Variants in MYO5A observed in about 807,000 individuals in gnomAD.
The protein encoded by MYO5A is unconventional myosin-Va.
MYO5A carries 98 observed loss-of-function variants against 249.7 expected under a neutral mutation model. That is an observed-to-expected ratio of 0.39 (90% confidence interval 0.33 to 0.46). MYO5A has a LOEUF of 0.46. Ranked by LOEUF, MYO5A falls within the 20% of genes least tolerant of loss-of-function variation. The pLI, the probability that MYO5A is intolerant of heterozygous loss-of-function variation, is 0.98. For missense variants in MYO5A, 1,696 were observed against 2,308.8 expected (o/e 0.73, Z 5.44); for synonymous variants, 778 against 810.6 (o/e 0.96, Z 0.68).
intron 4 of MYO5A, among the ~76,000 whole-genome samples, chr15:52,417,301 C>T (rs1208291405): frequency 1.3e-5 from 2 of 152,172 alleles, no homozygotes; most frequent in African/African-American, 4.8e-5. Flanking sequence ...AGGAGATACT[C>T]TTTGAAGCCA....
chr15:52,461,833 C>T (rs1300469571), intron 1 of MYO5A, among the ~76,000 whole-genome samples: 13 of 151,862 alleles, frequency 8.6e-5, no homozygotes, highest in African/African-American at 2.4e-4. Flanking sequence ...TGGTGGCATG[C>T]GCCTGTAGTC....
chr15:52,416,330 A>C (rs778085884), intron 4 of MYO5A, 29 bp from the exon 5 acceptor site: 6 of 1,606,574 alleles, frequency 3.7e-6, no homozygotes, highest in Non-Finnish European at 8.5e-7. Context: ...TTAAAAAGTA[A>C]CTGCCATTGC....
intron 1 of MYO5A, among the ~76,000 whole-genome samples, chr15:52,508,989 T>G (rs1352168887): frequency 6.6e-6 from 1 of 152,016 alleles, no homozygotes; most frequent in Non-Finnish European, 1.5e-5. Flanking sequence ...TTTTTTTTTT[T>G]GAGACAGAGT....
In MYO5A at chr15:52,372,457, G is replaced by C. The variant is rs1193186065; in HGVS notation, c.2578-94C>G. The C allele has an allele frequency of 4.6e-6, 7 of 1,512,614 alleles. No individual in the cohort carries two copies. The African/African-American group carries it at 6.9e-5, about 15-fold the overall frequency. The allele number at this position is 1,512,614 out of a possible 1,614,324, so 93.7% of individuals were successfully genotyped here. A position where few individuals can be genotyped will look rare whatever the true frequency, so the allele number is the denominator to read the frequency against. ...GGGCTGAAAATCCACACATTACCTA[G>C]AGGAAAAGACATAAAAGTTGAATTG... On this transcript the variant is annotated intron_variant, in intron 20 of 41. Transcript: ENST00000399233.
chr15:52,514,031 A>C (rs1438465510), intron 1 of MYO5A, among the ~76,000 whole-genome samples: 1 of 152,270 alleles, frequency 6.6e-6, no homozygotes, highest in Non-Finnish European at 1.5e-5. Context: ...GAGCAGTAGA[A>C]GAGGGGAAGC....
At chr15:52,366,236 A>G (rs938765287) in intron 23 of MYO5A, among the ~76,000 whole-genome samples, 1 of 152,168 alleles carries the variant, frequency 6.6e-6, no homozygotes, top group African/African-American at 2.4e-5. Flanking sequence ...TGCCTCATAA[A>G]TGTATACTTT....
At chr15:52,504,214 T>C (rs2077218855) in intron 1 of MYO5A, among the ~76,000 whole-genome samples, 1 of 152,166 alleles carries the variant, frequency 6.6e-6, no homozygotes, top group Non-Finnish European at 1.5e-5. Context: ...ATTGATGTCC[T>C]CCACCCACTC....
At chr15:52,448,680 C>T (rs202233205) in intron 1 of MYO5A, among the ~76,000 whole-genome samples, 1 of 152,048 alleles carries the variant, frequency 6.6e-6, no homozygotes, top group South Asian at 2.1e-4. Context: ...GACTGGATCA[C>T]GGGGGAGGAT....
intron 30 of MYO5A, among the ~76,000 whole-genome samples, chr15:52,343,433 A>T: frequency 6.6e-6 from 1 of 152,238 alleles, no homozygotes; most frequent in East Asian, 1.9e-4. Flanking sequence ...AAGGATGTAG[A>T]GCTACTTTAC....
chr15:52,396,613 G>GA (rs979265066), intron 10 of MYO5A, among the ~76,000 whole-genome samples: 1 of 147,972 alleles, frequency 6.8e-6, no homozygotes, highest in Non-Finnish European at 1.5e-5. Context: ...GGTTTTTTTT[G>GA]TTTTTTTTTT....
At chr15:52,473,769 G>C (rs1413393164) in intron 1 of MYO5A, among the ~76,000 whole-genome samples, 1 of 152,192 alleles carries the variant, frequency 6.6e-6, no homozygotes, top group African/African-American at 2.4e-5. Context: ...TTTGGTACCA[G>C]TACCATGCTG....
intron 39 of MYO5A, among the ~76,000 whole-genome samples, chr15:52,318,652 T>C (rs185726158): frequency 2.0e-5 from 3 of 152,276 alleles, no homozygotes; most frequent in Admixed American, 2.0e-4. Context: ...CAAAAATATA[T>C]TTCTAAGAGC....
chr15:52,353,561 C>T, intron 27 of MYO5A, 44 bp downstream of exon 27: 3 of 1,585,736 alleles, frequency 1.9e-6, no homozygotes, highest in Non-Finnish European at 2.6e-6. Flanking sequence ...GGGCCTCTTG[C>T]CAAAACAAAA....
chr15:52,392,113 T>C (rs1216123078), intron 11 of MYO5A, 43 bp from the exon 12 acceptor site: 2 of 1,572,528 alleles, frequency 1.3e-6, no homozygotes, highest in Admixed American at 3.4e-5. Context: ...TGGATCATTG[T>C]AACAAAGAAT....
rs1214278141 is a variant in MYO5A, at chr15:52,319,302, A to C, written c.4992T>G (p.Ser1664=). 6.2e-7 allele frequency: 1 copy of C among 1,614,204 alleles called. No homozygotes were observed. ...TTCTCAACCCTGTGGGCTTCACCCCAGACACGCCCTGAATCGTTTCATGTT... is the reference window on the plus strand; with the variant it reads ...TTCTCAACCCTGTGGGCTTCACCCCCGACACGCCCTGAATCGTTTCATGTT... ...MLEHETIQGV[S]GVKPTGLRKR... Residue 1664 remains serine (S), a synonymous_variant, in exon 39 of 42, where the codon TCT becomes TCG. Coordinates refer to ENST00000399233, the MANE Select transcript of MYO5A (RefSeq NM_001382347.1).
chr15:52,329,941 C>G (rs1450239799), intron 35 of MYO5A, among the ~76,000 whole-genome samples: 1 of 110,204 alleles, frequency 9.1e-6, no homozygotes, highest in African/African-American at 3.8e-5. Context: ...TGGAGAGATG[C>G]GGTCTTGCTA....
At chr15:52,375,597 A>C (rs1262499191) in intron 19 of MYO5A, 137 bp from the exon 20 acceptor site, 1 of 926,454 alleles carries the variant, frequency 1.1e-6, no homozygotes, top group African/African-American at 1.6e-5. Context: ...TGTGCATGCT[A>C]AGTCAACATT....
chr15:52,473,470 A>T (rs6493561), intron 1 of MYO5A, among the ~76,000 whole-genome samples: 1 of 151,986 alleles, frequency 6.6e-6, no homozygotes, highest in Non-Finnish European at 1.5e-5. Flanking sequence ...GTCCTTGCCC[A>T]TGCCTATGTC....
intron 1 of MYO5A, among the ~76,000 whole-genome samples, chr15:52,508,966 T>G (rs1318289147): frequency 6.6e-6 from 1 of 151,242 alleles, no homozygotes; most frequent in South Asian, 2.1e-4. Flanking sequence ...TGGATTCAAC[T>G]TTTTTTGTAA....
Sources: allele counts gnomAD v4.1 joint callset (sites outside exome capture counted in the v4.1 genomes callset), GRCh38; gene constraint gnomAD v4.1.1; transcripts MANE v1.5; gene names NCBI Gene and HGNC (gene_info 2026-07-23, HGNC 2026-07-21).